Variants in GREB1L observed in about 807,000 individuals in gnomAD.
GREB1L encodes the protein GREB1 like retinoic acid receptor coactivator.
In GREB1L, 17 loss-of-function variants were observed where a neutral mutation model predicts 200.8. That is an observed-to-expected ratio of 0.08 (90% CI 0.06 to 0.13). GREB1L has a LOEUF of 0.13. GREB1L is among the 10% of genes least tolerant of loss of function. The probability of loss-of-function intolerance (pLI) is 1.00; values close to 1 mark genes in which losing one functional copy is unlikely to be tolerated. For missense variants in GREB1L, 1,657 were observed against 2,367.7 expected (o/e 0.70, Z 6.23); for synonymous variants, 789 against 893.0 (o/e 0.88, Z 2.08).
Position 21,490,280 on chromosome 18 carries a change from C to T in GREB1L, c.2959C>T (p.Arg987Trp). The change falls in exon 19 of 33, where the codon CGG (arginine) becomes TGG (tryptophan). Residue 987 changes from arginine to tryptophan, a missense_variant. Physicochemically the swap from Arg to Trp is moderately radical, Grantham distance 101. This residue lies in a region of GREB1L where 512 missense variants were observed against 668.3 expected (regional missense o/e 0.77). Transcript: ENST00000424526. ...GCGCGACAAACTGGGTCTGCAGTAT[C>T]GGTTTGAGATCATCCTTGGGAACCC... ...EVRDKLGLQY[R>W]FEIILGNPAT... The T allele has an allele frequency of 6.4e-7, 1 of 1,551,792 alleles. No individual in the cohort carries two copies. Among genetic ancestry groups the T allele is most frequent in the Non-Finnish European group, 8.7e-7 (1 of 1,147,012 alleles).
rs1159037980 is a variant in GREB1L at position 21,384,423 on chromosome 18, T to G, written c.355+20T>G. On this transcript the variant is annotated intron_variant, in intron 4 of 32. Transcript: ENST00000424526. The stretch of plus-strand genomic sequence containing the variant: ...CAGATGGTGGGTTTCAGTTGTGTTT[T>G]CTTTTTGCTATTTTGTCTCTAATAT... The G allele has an allele frequency of 3.9e-6, 6 of 1,526,630 alleles. No homozygotes were observed. Among genetic ancestry groups the G allele is most frequent in the Non-Finnish European group, 5.3e-6 (6 of 1,135,970 alleles). 94.6% of individuals were successfully genotyped at this position (1,526,630 alleles called of 1,614,324 possible).
chr18:21,262,885 C>G (rs2037911240), intron 1 of GREB1L, among the ~76,000 whole-genome samples: 1 of 152,160 alleles, frequency 6.6e-6, no homozygotes. Flanking sequence ...GCTAAAACTT[C>G]ATGCCATGCC....
intron 1 of GREB1L, among the ~76,000 whole-genome samples, chr18:21,360,847 T>G (rs1268079415): frequency 6.6e-6 from 1 of 152,250 alleles, no homozygotes; most frequent in Non-Finnish European, 1.5e-5. Context: ...TATCCTCCAT[T>G]TTTAAGGAAT....
chr18:21,334,332 G>T (rs1598667407), intron 1 of GREB1L, among the ~76,000 whole-genome samples: 1 of 152,036 alleles, frequency 6.6e-6, no homozygotes, highest in South Asian at 2.1e-4. Flanking sequence ...TTTTGAGCAG[G>T]ATCTAAACTT....
At chr18:21,347,260 C>A (rs1434868659) in intron 1 of GREB1L, among the ~76,000 whole-genome samples, 2 of 149,830 alleles carry the variant, frequency 1.3e-5, no homozygotes, top group Non-Finnish European at 3.0e-5. Context: ...GCCTGAGCAA[C>A]AGAGCAAGAC....
intron 7 of GREB1L, among the ~76,000 whole-genome samples, chr18:21,409,806 C>G (rs1403317018): frequency 2.0e-5 from 3 of 152,102 alleles, no homozygotes; most frequent in African/African-American, 7.2e-5. Context: ...TTTGCAAAAA[C>G]TGAAATTAAC....
At chr18:21,364,498 T>C (rs1357416188) in intron 1 of GREB1L, among the ~76,000 whole-genome samples, 1 of 152,174 alleles carries the variant, frequency 6.6e-6, no homozygotes, top group Admixed American at 6.5e-5. Context: ...AAAATGATTT[T>C]GTCAAACTTC....
At chr18:21,516,547 CTG>C (rs1598960226) in intron 29 of GREB1L, 64 bp from the exon 30 acceptor site, 1 of 1,407,516 alleles carries the variant, frequency 7.1e-7, no homozygotes, top group East Asian at 2.5e-5. Flanking sequence ...ATTTATTTCT[CTG>C]TGTATAGTTA....
intron 25 of GREB1L, among the ~76,000 whole-genome samples, chr18:21,507,031 A>G (rs984720658): frequency 7.9e-5 from 12 of 152,222 alleles, no homozygotes; most frequent in Non-Finnish European, 1.3e-4. Context: ...CCCACATCTC[A>G]TCCTGAAATA....
chr18:21,403,797 A>G (rs1017000224), intron 6 of GREB1L, 75 bp from the exon 7 acceptor site: 25 of 1,257,008 alleles, frequency 2.0e-5, no homozygotes, highest in Non-Finnish European at 2.8e-5. Flanking sequence ...TAGAGATTTT[A>G]TGGATTGCGT....
intron 21 of GREB1L, among the ~76,000 whole-genome samples, chr18:21,498,528 G>A (rs1284580350): frequency 1.3e-5 from 2 of 152,190 alleles, no homozygotes; most frequent in African/African-American, 4.8e-5. Flanking sequence ...TGAGGAGGAG[G>A]AGCACAGCCT....
chr18:21,277,339 A>C (rs1237172743), intron 1 of GREB1L, among the ~76,000 whole-genome samples: 1 of 152,090 alleles, frequency 6.6e-6, no homozygotes, highest in African/African-American at 2.4e-5. Flanking sequence ...TTGCCATGCT[A>C]GGGGTACCCT....
intron 1 of GREB1L, among the ~76,000 whole-genome samples, chr18:21,255,154 C>T (rs536680736): frequency 1.3e-5 from 2 of 152,272 alleles, no homozygotes. Flanking sequence ...AATCTGACCC[C>T]ATGATAATTT....
chr18:21,397,950 T>C (rs1277389855), intron 5 of GREB1L, among the ~76,000 whole-genome samples: 4 of 152,216 alleles, frequency 2.6e-5, no homozygotes, highest in African/African-American at 9.6e-5. Context: ...TAGGCTGTAG[T>C]AGAACAACTT....
rs187106232 is a variant in GREB1L, at chr18:21,334,705, C to T, written c.-119-31322C>T. ...AGGAGAATCACTTGGACCCAGGAGG[C>T]GGAGGTTGCAGTAGGCTGAGATTGC... On this transcript the variant is annotated intron_variant, in intron 1 of 32. Transcript: ENST00000424526. 7.6e-3 allele frequency among the ~76,000 whole-genome samples: 1,160 copies of T among 151,752 alleles called. 5 individuals carry two copies. The highest frequency in any genetic ancestry group is 0.012 in the Non-Finnish European group (805 of 67,942).
At chr18:21,455,581 G>T (rs2034720498) in intron 15 of GREB1L, among the ~76,000 whole-genome samples, 1 of 151,910 alleles carries the variant, frequency 6.6e-6, no homozygotes, top group African/African-American at 2.4e-5. Flanking sequence ...TACTTGGGAG[G>T]CTGAGGCAGG....
chr18:21,254,199 A>G (rs754167841), intron 1 of GREB1L, among the ~76,000 whole-genome samples: 3 of 150,204 alleles, frequency 2.0e-5, no homozygotes, highest in Non-Finnish European at 4.4e-5. Flanking sequence ...CCTCCCGAAT[A>G]GCTGGGATTA....
intron 1 of GREB1L, among the ~76,000 whole-genome samples, chr18:21,353,876 C>T (rs982751431): frequency 3.3e-5 from 5 of 152,142 alleles, no homozygotes; most frequent in Non-Finnish European, 5.9e-5. Flanking sequence ...ACCTCTGCCT[C>T]CTGGGTTCAA....
Position 21,515,472 on chromosome 18 carries a change from C to G in GREB1L, c.4957C>G (p.Gln1653Glu). ...GAATGTGTCCTTGAAGACTGTCTTG[C>G]AGCACATTGAAGCCACACCAAAAAT... Reference protein sequence around the residue: ...SKNVSLKTVLQHIEATPKIVH... With the variant: ...SKNVSLKTVLEHIEATPKIVH... Residue 1653 changes from glutamine to glutamate, a missense_variant, in exon 29 of 33, where the codon CAG (glutamine) becomes GAG (glutamate). By Grantham distance (29) the Gln-to-Glu change is conservative (BLOSUM62 2). This residue lies in a region of GREB1L where 151 missense variants were observed against 309.6 expected (regional missense o/e 0.49). Transcript: ENST00000424526. The G allele has an allele frequency of 1.9e-6, 3 of 1,551,654 alleles. No individual in the cohort carries two copies. The African/African-American group carries it at 4.1e-5, about 21-fold the overall frequency.
Sources: gnomAD v4.1 joint callset for allele counts (sites outside exome capture counted in the v4.1 genomes callset) on GRCh38, gnomAD v4.1.1 for gene constraint, gnomAD v4.1.1 regional missense constraint, MANE v1.5 for transcripts, NCBI Gene and HGNC (gene_info 2026-07-23, HGNC 2026-07-21) for gene names.